KLHL13: variants seen among roughly 807,000 people sequenced by gnomAD.
The protein encoded by KLHL13 is kelch-like protein 13.
KLHL13 carries 10 observed loss-of-function variants against 37.1 expected under a neutral mutation model. That is an observed-to-expected ratio of 0.27 (90% CI 0.17 to 0.46). The LOEUF is 0.46. Among genes scored for constraint, KLHL13 ranks in the 20% least tolerant of loss-of-function variants. The pLI, the probability that KLHL13 is intolerant of heterozygous loss-of-function variation, is 1.00. For missense variants in KLHL13, 360 were observed against 509.3 expected (o/e 0.71, Z 2.82); for synonymous variants, 163 against 181.2 (o/e 0.90, Z 0.81).
intron 1 of KLHL13, among the ~76,000 whole-genome samples, chrX:118,103,740 A>G (rs2055314024): frequency 9.0e-6 from 1 of 110,995 alleles, no homozygotes. Flanking sequence ...TGCCTCCCCC[A>G]ACACACACAG....
At chrX:117,993,877 C>T (rs1156238513) in intron 1 of KLHL13, among the ~76,000 whole-genome samples, 3 of 109,583 alleles carry the variant, frequency 2.7e-5, no homozygotes, top group African/African-American at 1.0e-4. Context: ...GCTGGGATTA[C>T]AGGCATGTGC....
At chrX:117,981,481 A>G (rs2053661355) in intron 1 of KLHL13, among the ~76,000 whole-genome samples, 1 of 112,131 alleles carries the variant, frequency 8.9e-6, no homozygotes, top group African/African-American at 3.2e-5. Context: ...TAAGTTCAGA[A>G]CCACTTCATG....
At chrX:118,033,697 A>C (rs2054392729) in intron 1 of KLHL13, among the ~76,000 whole-genome samples, 2 of 109,115 alleles carry the variant, frequency 1.8e-5, no homozygotes, top group African/African-American at 3.4e-5. Context: ...GAGCAAAATC[A>C]CCAGCTAACA....
intron 1 of KLHL13, among the ~76,000 whole-genome samples, chrX:117,955,452 G>A (rs753203777): frequency 7.2e-5 from 8 of 111,876 alleles, no homozygotes; most frequent in African/African-American, 1.3e-4. Flanking sequence ...TTCAAAGCCC[G>A]TAATAAATTT....
At chrX:118,090,033 A>T in intron 1 of KLHL13, among the ~76,000 whole-genome samples, 1 of 104,076 alleles carries the variant, frequency 9.6e-6, no homozygotes, top group Non-Finnish European at 2.0e-5. Context: ...GTGAGCCGAG[A>T]TCATGCCACT....
chrX:118,046,835 G>A (rs7358004), intron 1 of KLHL13, among the ~76,000 whole-genome samples: 6,180 of 111,698 alleles, frequency 0.055, 409 homozygotes, highest in African/African-American at 0.19. Flanking sequence ...AAGCTAAAAA[G>A]GAAGAGTAGT....
rs184337425 is a variant in KLHL13 at position 117,910,192 on chromosome X, T to C, written c.571-96A>G. ...CCTGTTCTAGAATAAGAGTAAATTA[T>C]GCTTTTAATGTTCAAATAGATACAA... On this transcript the variant is annotated intron_variant, in intron 4 of 6. Transcript: ENST00000262820. The C allele has an allele frequency of 1.3e-4, 76 of 573,264 alleles. No homozygotes were observed. In the East Asian group the frequency reaches 2.4e-3, roughly 18 times the overall value. 47.2% of individuals were successfully genotyped at this position (573,264 alleles called of 1,213,427 possible).
chrX:118,021,436 G>A (rs916255647), intron 1 of KLHL13, among the ~76,000 whole-genome samples: 1 of 107,020 alleles, frequency 9.3e-6, no homozygotes, highest in South Asian at 4.3e-4. Context: ...TCCCCTTCCT[G>A]TGTCCAAGTG....
intron 1 of KLHL13, among the ~76,000 whole-genome samples, chrX:118,111,785 G>A (rs886089772): frequency 6.3e-5 from 7 of 111,979 alleles, no homozygotes; most frequent in African/African-American, 6.5e-5. Context: ...CCAGCTACTC[G>A]GGAGGCTGAG....
At chrX:118,078,097 C>T (rs1410408438) in intron 1 of KLHL13, among the ~76,000 whole-genome samples, 3 of 111,453 alleles carry the variant, frequency 2.7e-5, no homozygotes, top group Non-Finnish European at 5.7e-5. Context: ...CATTTTTGAA[C>T]CTCATTCAAA....
intron 1 of KLHL13, among the ~76,000 whole-genome samples, chrX:118,072,468 A>C: frequency 8.9e-6 from 1 of 112,201 alleles, no homozygotes; most frequent in Middle Eastern, 4.6e-3. Context: ...ACAAAAGCCA[A>C]AATTGACAAA....
chrX:118,099,957 C>T (rs1041214750), intron 1 of KLHL13, among the ~76,000 whole-genome samples: 8 of 102,351 alleles, frequency 7.8e-5, no homozygotes, highest in Non-Finnish European at 1.1e-4. Flanking sequence ...GAAAGGAAGA[C>T]ACCCTTGACT....
chrX:118,007,997 G>A (rs747153142), intron 1 of KLHL13, among the ~76,000 whole-genome samples: 1 of 111,823 alleles, frequency 8.9e-6, no homozygotes, highest in East Asian at 2.8e-4. Context: ...TGGAGGGAAG[G>A]GGTCAAAATA....
At position 117,909,278 on chromosome X, in the gene KLHL13, A is replaced by G; in HGVS notation, c.1366+23T>C. On this transcript the variant is annotated intron_variant, in intron 5 of 6. Transcript: ENST00000262820. ...TTTCTGAGTGAAGAAATTTGTCTCT[A>G]TGCTTAATATAAATGCACTTACGCA... 3 of 1,119,135 alleles carry G rather than the reference A, an allele frequency of 2.7e-6. No individual in the cohort carries two copies. In the South Asian group the frequency reaches 6.8e-5, roughly 25 times the overall value. 92.2% of individuals were successfully genotyped at this position (1,119,135 alleles called of 1,213,427 possible).
chrX:117,907,353 G>A (rs1268654684), intron 5 of KLHL13, among the ~76,000 whole-genome samples: 2 of 111,411 alleles, frequency 1.8e-5, no homozygotes, highest in Admixed American at 1.9e-4. Flanking sequence ...TTAGTATTAG[G>A]AACTATATAT....
chrX:117,906,986 CATT>C (rs964657028), intron 5 of KLHL13, among the ~76,000 whole-genome samples: 41 of 111,260 alleles, frequency 3.7e-4, no homozygotes, highest in African/African-American at 1.2e-3. Context: ...TTTTTTAAGT[CATT>C]ATCCTTAGGT....
At chrX:117,915,779 C>T (rs1340263722) in intron 4 of KLHL13, among the ~76,000 whole-genome samples, 1 of 112,255 alleles carries the variant, frequency 8.9e-6, no homozygotes, top group Non-Finnish European at 1.9e-5. Flanking sequence ...TCCTCCATAA[C>T]AAAAGTTCCG....
intron 1 of KLHL13, among the ~76,000 whole-genome samples, chrX:118,037,811 G>C (rs745803009): frequency 1.8e-5 from 2 of 111,722 alleles, no homozygotes; most frequent in South Asian, 7.5e-4. Flanking sequence ...AGATAGACTA[G>C]ATATCTAGAG....
At chrX:118,028,459 A>G (rs1441925017) in intron 1 of KLHL13, 4 of 1,123,186 alleles carry the variant, frequency 3.6e-6, no homozygotes, top group Admixed American at 2.6e-5. Context: ...ATTCCCCTCT[A>G]TGCAGATGAT....
Sources: allele counts gnomAD v4.1 joint callset (sites outside exome capture counted in the v4.1 genomes callset), GRCh38; gene constraint gnomAD v4.1.1; transcripts MANE v1.5; gene names NCBI Gene and HGNC (gene_info 2026-07-23, HGNC 2026-07-21).